Variants in GRID2 observed in about 807,000 individuals in gnomAD.
The protein encoded by GRID2 is glutamate ionotropic receptor delta type subunit 2.
In GRID2, 33 loss-of-function variants were observed where a neutral mutation model predicts 114.8. The ratio of observed to expected loss-of-function variants is 0.29; its 90% CI spans 0.22 to 0.38. The LOEUF (loss-of-function observed/expected upper bound fraction) is 0.38. Among genes scored for constraint, GRID2 ranks in the 10% least tolerant of loss-of-function variants. The probability of loss-of-function intolerance (pLI) is 1.00; values close to 1 mark genes in which losing one functional copy is unlikely to be tolerated. For synonymous variants in GRID2, 505 were observed against 449.9 expected (o/e 1.12, Z -1.55); for missense variants, 1,184 against 1,257.7 (o/e 0.94, Z 0.89).
intron 2 of GRID2, among the ~76,000 whole-genome samples, chr4:93,041,715 C>CTATTGTGCTCAAAATGTGATTA (rs1370185233): frequency 6.6e-6 from 1 of 151,908 alleles, no homozygotes; most frequent in East Asian, 1.9e-4. Context: ...CTCAAAACTC[C>CTATTGTGCTCAAAATGTGATTA]TGAAAAAATC....
intron 2 of GRID2, among the ~76,000 whole-genome samples, chr4:93,056,136 G>C (rs915307317): frequency 1.3e-5 from 2 of 151,934 alleles, no homozygotes; most frequent in African/African-American, 4.8e-5. Flanking sequence ...CATATGGACT[G>C]TTATGCAAAC....
At chr4:93,236,728 C>T (rs1157086050) in intron 7 of GRID2, among the ~76,000 whole-genome samples, 1 of 151,954 alleles carries the variant, frequency 6.6e-6, no homozygotes, top group Non-Finnish European at 1.5e-5. Flanking sequence ...AGCTGCTTAA[C>T]TTTTTTCTCT....
chr4:93,039,962 C>T (rs1002433691), intron 2 of GRID2, among the ~76,000 whole-genome samples: 4 of 152,030 alleles, frequency 2.6e-5, no homozygotes, highest in Admixed American at 6.6e-5. Flanking sequence ...TAGGTAAGAC[C>T]GCTTCTTTCT....
intron 1 of GRID2, among the ~76,000 whole-genome samples, chr4:92,490,220 T>C (rs2149112822): frequency 6.6e-6 from 1 of 152,322 alleles, no homozygotes; most frequent in East Asian, 1.9e-4. Flanking sequence ...TATGGAAATA[T>C]AATCTGCCTG....
intron 1 of GRID2, among the ~76,000 whole-genome samples, chr4:93,783,990 T>G (rs1447296873): frequency 7.5e-6 from 1 of 133,626 alleles, no homozygotes; most frequent in South Asian, 2.4e-4. Flanking sequence ...GAGAATGGCG[T>G]GAACCCGGGA....
At chr4:92,366,984 T>TTTGAATTGAAGG (rs1728901748) in intron 1 of GRID2, among the ~76,000 whole-genome samples, 1 of 152,112 alleles carries the variant, frequency 6.6e-6, no homozygotes, top group Non-Finnish European at 1.5e-5. Flanking sequence ...TTTGTTGTCA[T>TTTGAATTGAAGG]ACCTCTATAG....
chr4:93,217,842 A>T (rs903572002), intron 6 of GRID2, among the ~76,000 whole-genome samples: 2 of 152,160 alleles, frequency 1.3e-5, no homozygotes, highest in Admixed American at 6.6e-5. Context: ...AGCAAATATT[A>T]AAGTCATGGC....
chr4:93,289,489 A>C (rs904305648), intron 8 of GRID2, among the ~76,000 whole-genome samples: 52 of 152,242 alleles, frequency 3.4e-4, no homozygotes, highest in African/African-American at 1.3e-3. Flanking sequence ...GGCTTTTCCC[A>C]TTGTATAATA....
intron 14 of GRID2, among the ~76,000 whole-genome samples, chr4:93,656,634 T>C (rs1723017245): frequency 6.6e-6 from 1 of 150,612 alleles, no homozygotes; most frequent in Admixed American, 6.7e-5. Context: ...ATCGAGACCA[T>C]CCTGGCTAAC....
intron 1 of GRID2, among the ~76,000 whole-genome samples, chr4:92,344,680 G>C (rs1485549103): frequency 2.0e-5 from 3 of 152,098 alleles, no homozygotes; most frequent in Non-Finnish European, 2.9e-5. Context: ...ACCTCATCAG[G>C]GATGGGGCTA....
At chr4:92,492,902 G>A (rs62310673) in intron 1 of GRID2, among the ~76,000 whole-genome samples, 26,642 of 152,002 alleles carry the variant, frequency 0.18, 2,805 homozygotes, top group Middle Eastern at 0.25. Context: ...GCCTAGGCGC[G>A]CGGATCACTG....
intron 2 of GRID2, among the ~76,000 whole-genome samples, chr4:92,650,816 A>G (rs1256322058): frequency 2.0e-5 from 3 of 151,986 alleles, no homozygotes; most frequent in Non-Finnish European, 4.4e-5. Context: ...AATCCTGGCT[A>G]TCAGAGAAAC....
At chr4:92,805,136 A>G (rs553228683) in intron 2 of GRID2, among the ~76,000 whole-genome samples, 1 of 151,932 alleles carries the variant, frequency 6.6e-6, no homozygotes, top group Non-Finnish European at 1.5e-5. Flanking sequence ...AACAGATTAA[A>G]TTTGCTTATG....
intron 13 of GRID2, among the ~76,000 whole-genome samples, chr4:93,521,486 GT>G (rs1730330846): frequency 6.6e-6 from 1 of 152,118 alleles, no homozygotes; most frequent in Non-Finnish European, 1.5e-5. Context: ...ATTTCAAGAA[GT>G]TCAGAGGATC....
intron 13 of GRID2, among the ~76,000 whole-genome samples, chr4:93,560,864 A>G (rs2149562822): frequency 6.6e-6 from 1 of 152,122 alleles, no homozygotes; most frequent in East Asian, 1.9e-4. Context: ...CACGGTTTCT[A>G]TTTTTAATTT....
intron 13 of GRID2, among the ~76,000 whole-genome samples, chr4:93,598,540 C>T (rs954810447): frequency 2.0e-5 from 3 of 152,142 alleles, no homozygotes; most frequent in African/African-American, 4.8e-5. Flanking sequence ...TTGTTGCTCT[C>T]GTTTCTTTTC....
intron 2 of GRID2, among the ~76,000 whole-genome samples, chr4:92,719,327 A>C (rs1372482248): frequency 1.3e-5 from 2 of 152,098 alleles, no homozygotes; most frequent in Non-Finnish European, 2.9e-5. Context: ...GAAGTTATAA[A>C]ACACTTTTAA....
chr4:93,097,220 G>T (rs1328537106), intron 3 of GRID2, among the ~76,000 whole-genome samples: 1 of 151,462 alleles, frequency 6.6e-6, no homozygotes, highest in Admixed American at 6.6e-5. Context: ...AGTAACAGTG[G>T]AATACAATAA....
intron 2 of GRID2, among the ~76,000 whole-genome samples, chr4:92,761,448 CA>C (rs984865147): frequency 2.6e-5 from 4 of 152,248 alleles, no homozygotes; most frequent in African/African-American, 9.6e-5. Context: ...TTGAGATTTT[CA>C]AAAGACAGGA....
Sources: allele counts gnomAD v4.1 joint callset (sites outside exome capture counted in the v4.1 genomes callset), GRCh38; gene constraint gnomAD v4.1.1; transcripts MANE v1.5; gene names NCBI Gene and HGNC (gene_info 2026-07-23, HGNC 2026-07-21).